Variants in APBA1 observed in about 807,000 individuals in gnomAD.
APBA1 encodes amyloid beta precursor protein binding family A member 1, also known as amyloid-beta A4 precursor protein-binding family A member 1.
APBA1 carries 55 observed loss-of-function variants against 86.6 expected under a neutral mutation model. The ratio of observed to expected loss-of-function variants is 0.64; its 90% confidence interval spans 0.51 to 0.80. APBA1 has a LOEUF of 0.80. APBA1 is among the 30% of genes least tolerant of loss of function. The probability of loss-of-function intolerance (pLI) is 0.00; values close to 1 mark genes in which losing one functional copy is unlikely to be tolerated. For synonymous variants in APBA1, 511 were observed against 493.9 expected (o/e 1.03, Z -0.46); for missense variants, 1,090 against 1,183.0 (o/e 0.92, Z 1.15).
Position 69,658,284 on chromosome 9 carries a change from C to CTTTCTTTTTCTTTCTTTCTTTCTTTCTT in APBA1, c.-70+13868_-70+13869insAAGAAAGAAAGAAAGAAAGAAAAAGAAA, listed in dbSNP as rs370230255. Among the ~76,000 whole-genome samples the CTTTCTTTTTCTTTCTTTCTTTCTTTCTT allele has an allele frequency of 9.5e-3, 721 of 75,524 alleles. 36 individuals carry two copies. The highest frequency in any genetic ancestry group is 0.022 in the East Asian group (52 of 2,336). 49.5% of individuals were successfully genotyped at this position (75,524 alleles called of 152,430 possible). A position where few individuals can be genotyped will look rare whatever the true frequency, so the allele number is the denominator to read the frequency against. ...TCTTTCTTTCTTTCTTTCTTTCTTTCTCTCTCTCTTTCTCTCTCTCTCTTT... is the reference window on the plus strand; with the variant it reads ...TCTTTCTTTCTTTCTTTCTTTCTTTCTTTCTTTTTCTTTCTTTCTTTCTTTCTTTCTCTCTCTTTCTCTCTCTCTCTTT... On this transcript the variant is annotated intron_variant, in intron 1 of 12. Coordinates refer to ENST00000265381, the MANE Select transcript of APBA1 (RefSeq NM_001163.4).
At chr9:69,504,945 T>C (rs1354157942) in intron 2 of APBA1, among the ~76,000 whole-genome samples, 17 of 152,046 alleles carry the variant, frequency 1.1e-4, no homozygotes, top group Non-Finnish European at 5.9e-5. Flanking sequence ...CCTCTTCTTT[T>C]TCAGCCATAC....
intron 1 of APBA1, among the ~76,000 whole-genome samples, chr9:69,628,081 T>G (rs1331466629): frequency 6.6e-6 from 1 of 152,006 alleles, no homozygotes; most frequent in Non-Finnish European, 1.5e-5. Flanking sequence ...GTTTGGTGGG[T>G]TGGAGTGAGA....
At chr9:69,606,616 C>T (rs993052257) in intron 1 of APBA1, among the ~76,000 whole-genome samples, 2 of 151,364 alleles carry the variant, frequency 1.3e-5, no homozygotes, top group Non-Finnish European at 1.5e-5. Context: ...CTCAGCCTCC[C>T]GAGTAGCTGG....
intron 3 of APBA1, among the ~76,000 whole-genome samples, chr9:69,472,991 T>C (rs1350351582): frequency 1.3e-5 from 2 of 152,234 alleles, no homozygotes; most frequent in Admixed American, 1.3e-4. Context: ...TCAACACTAA[T>C]CACACAATAA....
chr9:69,654,825 A>G (rs1823576714), intron 1 of APBA1, among the ~76,000 whole-genome samples: 1 of 152,200 alleles, frequency 6.6e-6, no homozygotes, highest in Non-Finnish European at 1.5e-5. Flanking sequence ...CTAGTAAACC[A>G]AATCCAAAAA....
chr9:69,511,206 G>T (rs1257419371), intron 2 of APBA1, among the ~76,000 whole-genome samples: 1 of 152,080 alleles, frequency 6.6e-6, no homozygotes, highest in Non-Finnish European at 1.5e-5. Flanking sequence ...AATCTACAAT[G>T]AACTCAAACA....
intron 2 of APBA1, among the ~76,000 whole-genome samples, chr9:69,491,061 T>C (rs1457870477): frequency 3.9e-5 from 6 of 152,064 alleles, no homozygotes; most frequent in African/African-American, 2.4e-5. Context: ...TCCTCAAGGA[T>C]CTAGAACTAG....
intron 1 of APBA1, among the ~76,000 whole-genome samples, chr9:69,610,407 G>A (rs1339427161): frequency 6.6e-6 from 1 of 152,078 alleles, no homozygotes; most frequent in African/African-American, 2.4e-5. Context: ...GCCCTTTCTG[G>A]TATACGAACA....
intron 2 of APBA1, among the ~76,000 whole-genome samples, chr9:69,481,652 C>G (rs1245954459): frequency 6.6e-6 from 1 of 150,408 alleles, no homozygotes; most frequent in East Asian, 1.9e-4. Flanking sequence ...AAAAAGAGCC[C>G]GCATCGCCAA....
chr9:69,574,247 G>A (rs1162411962), intron 1 of APBA1, among the ~76,000 whole-genome samples: 1 of 152,162 alleles, frequency 6.6e-6, no homozygotes, highest in Non-Finnish European at 1.5e-5. Context: ...CAGGCACAGG[G>A]ATCTGTATTT....
intron 2 of APBA1, among the ~76,000 whole-genome samples, chr9:69,511,367 A>T (rs923516122): frequency 6.6e-5 from 10 of 152,342 alleles, no homozygotes; most frequent in Non-Finnish European, 1.0e-4. Flanking sequence ...TCAAAACCAC[A>T]ATGAGATACA....
intron 5 of APBA1, 63 bp from the exon 6 acceptor site, chr9:69,458,251 G>A: frequency 2.0e-6 from 3 of 1,482,222 alleles, no homozygotes; most frequent in Non-Finnish European, 2.8e-6. Context: ...GAGACTCAAA[G>A]TCAAAAAGGG....
At chr9:69,606,434 C>T (rs545323292) in intron 1 of APBA1, among the ~76,000 whole-genome samples, 57 of 145,152 alleles carry the variant, frequency 3.9e-4, no homozygotes, top group African/African-American at 1.3e-3. Context: ...GAAACTGATG[C>T]TCAGAGAAGT....
intron 1 of APBA1, among the ~76,000 whole-genome samples, chr9:69,545,747 C>G (rs1034328828): frequency 6.6e-6 from 1 of 152,170 alleles, no homozygotes; most frequent in Non-Finnish European, 1.5e-5. Flanking sequence ...ATCACGCATT[C>G]ATGATGATGA....
Position 69,428,327 on chromosome 9 carries a change from T to C in APBA1, c.*3000A>G, listed in dbSNP as rs1179106471. On this transcript the variant is annotated 3_prime_UTR_variant, in exon 13 of 13. Transcript: ENST00000265381. ...GCACAGGGACCCGGCACCCCTGCCA[T>C]GCACTCCTAGGAGCCTGCTCTGGCG... 1 of 152,276 alleles carries C rather than the reference T, an allele frequency of 6.6e-6. No homozygotes were observed. The highest frequency in any genetic ancestry group is 2.4e-5 in the African/African-American group (1 of 41,448). The allele number at this position is 152,276 out of a possible 1,614,324, so 9.4% of individuals were successfully genotyped here.
At chr9:69,519,121 T>G (rs1836212690) in intron 1 of APBA1, among the ~76,000 whole-genome samples, 1 of 152,248 alleles carries the variant, frequency 6.6e-6, no homozygotes, top group South Asian at 2.1e-4. Context: ...GACTGTGGAC[T>G]AAGTATAAGA....
At chr9:69,588,624 C>A (rs1254408800) in intron 1 of APBA1, among the ~76,000 whole-genome samples, 1 of 152,108 alleles carries the variant, frequency 6.6e-6, no homozygotes, top group African/African-American at 2.4e-5. Flanking sequence ...TGTTAAAGAT[C>A]CATGTGGAGA....
At chr9:69,463,248 T>C (rs939556069) in intron 5 of APBA1, 6 of 150,800 alleles carry the variant, frequency 4.0e-5, no homozygotes, top group Non-Finnish European at 5.9e-5. Flanking sequence ...TTGTTTTTAC[T>C]GCAAGTTTCT....
chr9:69,667,978 C>G (rs1418445179), intron 1 of APBA1, among the ~76,000 whole-genome samples: 1 of 152,136 alleles, frequency 6.6e-6, no homozygotes. Context: ...CTCACCCCTT[C>G]CAGCTTCCAT....
Sources: allele counts gnomAD v4.1 joint callset (sites outside exome capture counted in the v4.1 genomes callset), GRCh38; gene constraint gnomAD v4.1.1; transcripts MANE v1.5; gene names NCBI Gene and HGNC (gene_info 2026-07-23, HGNC 2026-07-21).